The following CDC14A variants were observed in gnomAD, a reference collection of about 807,000 sequenced individuals.
CDC14A encodes dual specificity protein phosphatase CDC14A.
CDC14A carries 53 observed loss-of-function variants against 74.4 expected under a neutral mutation model. That is an observed-to-expected ratio of 0.71 (90% CI 0.57 to 0.89). CDC14A has a LOEUF of 0.89. Among genes scored for constraint, CDC14A ranks in the 40% least tolerant of loss-of-function variants. The pLI is 0.00. For missense variants in CDC14A, 646 were observed against 713.7 expected (o/e 0.91, Z 1.08); for synonymous variants, 247 against 258.4 (o/e 0.96, Z 0.43).
chr1:100,396,095 G>A (rs990100540), intron 4 of CDC14A, among the ~76,000 whole-genome samples: 1 of 152,198 alleles, frequency 6.6e-6, no homozygotes, highest in Non-Finnish European at 1.5e-5. Context: ...AGAGGGTAAG[G>A]ACTTTATCTG....
At position 100,484,344 on chromosome 1, in the gene CDC14A, A is replaced by G; in HGVS notation, c.1030A>G (p.Asn344Asp). The change falls in exon 11 of 16, where the codon AAT becomes GAT. Residue 344 changes from asparagine to aspartate, a missense_variant. By Grantham distance (23) the Asn-to-Asp change is conservative. Coordinates refer to ENST00000336454, the MANE Select transcript of CDC14A (RefSeq NM_003672.4). Reference sequence around the variant, plus strand: ...AGACATTTTCCGATCCAAACTGAAAAATCGACCATCCAGTGAAGGAAGTAT... The same window carrying G: ...AGACATTTTCCGATCCAAACTGAAAGATCGACCATCCAGTGAAGGAAGTAT... ...QGDIFRSKLKNRPSSEGSINK... is the reference protein window; with the variant it reads ...QGDIFRSKLKDRPSSEGSINK... 6.2e-7 allele frequency: 1 copy of G among 1,605,702 alleles called. No homozygotes were observed. The highest frequency in any genetic ancestry group is 2.3e-5 in the East Asian group (1 of 44,254).
At chr1:100,460,353 G>A (rs1252395839) in intron 8 of CDC14A, among the ~76,000 whole-genome samples, 1 of 152,160 alleles carries the variant, frequency 6.6e-6, no homozygotes, top group Non-Finnish European at 1.5e-5. Context: ...ATTCATATAT[G>A]AAAAGAGAGA....
At chr1:100,425,850 C>G (rs1167814205) in intron 5 of CDC14A, among the ~76,000 whole-genome samples, 2 of 152,090 alleles carry the variant, frequency 1.3e-5, no homozygotes, top group Non-Finnish European at 2.9e-5. Flanking sequence ...ATTCTAAGTT[C>G]TAAGCAAAGT....
At chr1:100,474,306 G>A (rs988507306) in intron 10 of CDC14A, among the ~76,000 whole-genome samples, 7 of 151,572 alleles carry the variant, frequency 4.6e-5, no homozygotes, top group Non-Finnish European at 1.0e-4. Flanking sequence ...TCTTTTTTTT[G>A]TCTGTTTTGT....
intron 5 of CDC14A, among the ~76,000 whole-genome samples, chr1:100,434,654 A>T (rs977733749): frequency 6.6e-6 from 1 of 152,110 alleles, no homozygotes; most frequent in African/African-American, 2.4e-5. Flanking sequence ...GAAAGGTGAG[A>T]CTTCTGGCCT....
At chr1:100,373,870 T>C (rs1264538006) in intron 2 of CDC14A, among the ~76,000 whole-genome samples, 2 of 152,118 alleles carry the variant, frequency 1.3e-5, no homozygotes, top group Non-Finnish European at 2.9e-5. Context: ...TAGTTATATA[T>C]GTATACATGT....
chr1:100,413,635 T>G (rs1004251789), intron 4 of CDC14A, among the ~76,000 whole-genome samples: 3 of 152,192 alleles, frequency 2.0e-5, no homozygotes, highest in Non-Finnish European at 2.9e-5. Context: ...ACAAGTTTGG[T>G]TCCATCCCTG....
chr1:100,345,090 G>A (rs919398300), exon 1 of CDC14A: 4 of 152,152 alleles, frequency 2.6e-5, no homozygotes, highest in Admixed American at 6.5e-5. Flanking sequence ...TCACACTCTA[G>A]AGACAGGCAT....
intron 10 of CDC14A, among the ~76,000 whole-genome samples, chr1:100,474,205 T>A (rs1668668032): frequency 6.6e-6 from 1 of 152,246 alleles, no homozygotes; most frequent in South Asian, 2.1e-4. Flanking sequence ...CACCATTTGG[T>A]CATGGTGTGT....
At chr1:100,401,263 AT>A (rs1446047307) in intron 4 of CDC14A, among the ~76,000 whole-genome samples, 2 of 152,154 alleles carry the variant, frequency 1.3e-5, no homozygotes, top group Non-Finnish European at 2.9e-5. Flanking sequence ...ACTTTGTCTT[AT>A]TTTCCACAAT....
chr1:100,424,031 T>C (rs1351905870), intron 4 of CDC14A, 191 bp from the exon 5 acceptor site: 1 of 532,946 alleles, frequency 1.9e-6, no homozygotes, highest in African/African-American at 1.9e-5. Flanking sequence ...AGCTTACCCA[T>C]GGAGAAGACA....
At chr1:100,345,008 G>T (rs911661583), upstream of CDC14A, 1 of 152,166 alleles carries the variant, frequency 6.6e-6, no homozygotes, top group Non-Finnish European at 1.5e-5. Flanking sequence ...ACTAAGGACC[G>T]AAAGAACGTG....
At chr1:100,456,276 T>C (rs2101186461) in intron 8 of CDC14A, among the ~76,000 whole-genome samples, 1 of 152,374 alleles carries the variant, frequency 6.6e-6, no homozygotes, top group Non-Finnish European at 1.5e-5. Context: ...TGATCAGCTA[T>C]GCAAGTTTTC....
chr1:100,489,531 AAT>A (rs1192264527), intron 11 of CDC14A, among the ~76,000 whole-genome samples: 1 of 151,856 alleles, frequency 6.6e-6, no homozygotes, highest in Non-Finnish European at 1.5e-5. Flanking sequence ...GGTGGAATAA[AAT>A]ATTTATTCTT....
intron 3 of CDC14A, among the ~76,000 whole-genome samples, chr1:100,389,425 C>T (rs1657363080): frequency 6.7e-6 from 1 of 149,434 alleles, no homozygotes; most frequent in Admixed American, 6.7e-5. Context: ...GCACTCCAGC[C>T]TGGGTGACAA....
intron 2 of CDC14A, among the ~76,000 whole-genome samples, chr1:100,370,197 G>A (rs1447211600): frequency 3.3e-5 from 5 of 152,016 alleles, no homozygotes; most frequent in South Asian, 2.1e-4. Flanking sequence ...TGCCCAGGCC[G>A]GTCTTGAACT....
At chr1:100,506,958 T>C (rs766411849) in intron 15 of CDC14A, among the ~76,000 whole-genome samples, 1 of 152,198 alleles carries the variant, frequency 6.6e-6, no homozygotes, top group Non-Finnish European at 1.5e-5. Flanking sequence ...AGAGGATCAC[T>C]TGAGGTCAGG....
At chr1:100,436,178 C>T (rs1483996921) in intron 5 of CDC14A, among the ~76,000 whole-genome samples, 1 of 152,132 alleles carries the variant, frequency 6.6e-6, no homozygotes, top group Non-Finnish European at 1.5e-5. Context: ...CAAGTTTGAA[C>T]ATCATGTGGG....
intron 10 of CDC14A, among the ~76,000 whole-genome samples, chr1:100,481,312 G>T (rs891687428): frequency 2.0e-5 from 3 of 152,164 alleles, no homozygotes; most frequent in Non-Finnish European, 4.4e-5. Flanking sequence ...AATTGTCCAG[G>T]ATGGAAGAAG....
Sources: gnomAD v4.1 joint callset for allele counts (sites outside exome capture counted in the v4.1 genomes callset) on GRCh38, gnomAD v4.1.1 for gene constraint, MANE v1.5 for transcripts, NCBI Gene and HGNC (gene_info 2026-07-23, HGNC 2026-07-21) for gene names.